Variants in PRKN observed in about 807,000 individuals in gnomAD.
PRKN encodes the protein parkin RBR E3 ubiquitin protein ligase.
PRKN carries 56 observed loss-of-function variants against 59.5 expected under a neutral mutation model. That is an observed-to-expected ratio of 0.94 (90% CI 0.76 to 1.18). The LOEUF (loss-of-function observed/expected upper bound fraction) is 1.18. Ranked by LOEUF, PRKN falls within the 50% of genes most tolerant of loss-of-function variation. PRKN has a pLI of 0.00. For synonymous variants in PRKN, 250 were observed against 222.1 expected (o/e 1.13, Z -1.12); for missense variants, 657 against 596.4 (o/e 1.10, Z -1.06).
intron 4 of PRKN, among the ~76,000 whole-genome samples, chr6:162,093,054 T>C (rs1019057687): frequency 2.0e-5 from 3 of 152,210 alleles, no homozygotes; most frequent in African/African-American, 7.2e-5. Flanking sequence ...AGGCTTGCGT[T>C]CTAGCTAATT....
chr6:162,656,827 C>G (rs1583993431), intron 1 of PRKN, among the ~76,000 whole-genome samples: 1 of 152,140 alleles, frequency 6.6e-6, no homozygotes, highest in East Asian at 1.9e-4. Flanking sequence ...AGACATACTC[C>G]TTCCCTCTCC....
intron 7 of PRKN, among the ~76,000 whole-genome samples, chr6:161,778,538 C>T (rs1174211458): frequency 2.0e-5 from 3 of 152,176 alleles, no homozygotes; most frequent in African/African-American, 4.8e-5. Context: ...GGGCTCAAAA[C>T]AATTCGCACA....
chr6:162,195,650 C>A (rs781719249), intron 4 of PRKN, among the ~76,000 whole-genome samples: 9 of 152,048 alleles, frequency 5.9e-5, no homozygotes, highest in Non-Finnish European at 1.2e-4. Flanking sequence ...ATTAGAGTGG[C>A]AAAGATAAAG....
intron 4 of PRKN, among the ~76,000 whole-genome samples, chr6:162,117,367 T>G (rs1780718382): frequency 6.6e-6 from 1 of 152,260 alleles, no homozygotes; most frequent in Non-Finnish European, 1.5e-5. Flanking sequence ...CCGAAGGGCC[T>G]AAGCCTAGGG....
At chr6:162,672,843 A>G (rs945441226) in intron 1 of PRKN, among the ~76,000 whole-genome samples, 2 of 152,130 alleles carry the variant, frequency 1.3e-5, no homozygotes, top group African/African-American at 4.8e-5. Flanking sequence ...GCAGAGATAT[A>G]AATATTTTAC....
At chr6:162,701,623 A>G (rs1778154511) in intron 1 of PRKN, among the ~76,000 whole-genome samples, 1 of 152,080 alleles carries the variant, frequency 6.6e-6, no homozygotes, top group Non-Finnish European at 1.5e-5. Flanking sequence ...GGCTTGAGAC[A>G]ATGTAGTAAG....
intron 1 of PRKN, among the ~76,000 whole-genome samples, chr6:162,494,782 TCA>T (rs2128186009): frequency 6.6e-6 from 1 of 152,316 alleles, no homozygotes; most frequent in South Asian, 2.1e-4. Context: ...AAAATCTCTC[TCA>T]TTTTTTCATA....
intron 2 of PRKN, among the ~76,000 whole-genome samples, chr6:162,432,882 A>G (rs1789604357): frequency 6.6e-6 from 1 of 152,162 alleles, no homozygotes; most frequent in Non-Finnish European, 1.5e-5. Flanking sequence ...TGCTCCCCCA[A>G]ATAAAATTTC....
intron 3 of PRKN, among the ~76,000 whole-genome samples, chr6:162,252,249 G>A (rs1031154080): frequency 6.6e-6 from 1 of 152,178 alleles, no homozygotes; most frequent in Non-Finnish European, 1.5e-5. Context: ...AGCACTAAAC[G>A]ATACATCACT....
chr6:162,426,318 G>A (rs1789236540), intron 2 of PRKN, among the ~76,000 whole-genome samples: 2 of 152,204 alleles, frequency 1.3e-5, no homozygotes, highest in Non-Finnish European at 2.9e-5. Flanking sequence ...GTGTCCTTAT[G>A]AGGCATGACT....
chr6:162,411,147 C>G (rs533894233), intron 2 of PRKN, among the ~76,000 whole-genome samples: 2 of 152,070 alleles, frequency 1.3e-5, no homozygotes, highest in Non-Finnish European at 2.9e-5. Context: ...AAAAAGGTTA[C>G]GTTGCAGGGA....
At position 161,566,295 on chromosome 6, in the gene PRKN, C is replaced by T. The variant is rs1320898815; in HGVS notation, c.933+3060G>A. Among the ~76,000 whole-genome samples, 2 of 152,212 alleles carry T rather than the reference C, an allele frequency of 1.3e-5. No individual in the cohort carries two copies. The highest frequency in any genetic ancestry group is 2.9e-5 in the Non-Finnish European group (2 of 68,032). ...GTGGAGTCCAGTGCTCATTTCTCAT[C>T]CTTGTCCTTCTTGCTGAGCATAGGA... is the stretch of plus-strand genomic sequence containing the variant. On this transcript the variant is annotated intron_variant, in intron 8 of 11. Coordinates refer to ENST00000366898, the MANE Select transcript of PRKN (RefSeq NM_004562.3). This position sits in a 1 kb window ranked among gnomAD's most constrained non-coding sequence, Gnocchi z 4.1.
intron 1 of PRKN, among the ~76,000 whole-genome samples, chr6:162,481,345 T>G (rs1194194858): frequency 2.5e-4 from 38 of 152,214 alleles, no homozygotes; most frequent in Non-Finnish European, 1.2e-4. Context: ...CTTCAAAATC[T>G]GTAAATACTA....
intron 1 of PRKN, among the ~76,000 whole-genome samples, chr6:162,696,232 T>C (rs1049948910): frequency 2.0e-5 from 3 of 152,084 alleles, no homozygotes; most frequent in Non-Finnish European, 4.4e-5. Context: ...AAAATATAAT[T>C]AGAATGCTAT....
At chr6:162,221,296 T>G (rs1777923514) in intron 3 of PRKN, among the ~76,000 whole-genome samples, 1 of 152,194 alleles carries the variant, frequency 6.6e-6, no homozygotes, top group South Asian at 2.1e-4. Flanking sequence ...TGCAGCAAAA[T>G]GAAATAGACC....
At chr6:161,603,019 C>T (rs1044066210) in intron 7 of PRKN, among the ~76,000 whole-genome samples, 2 of 152,170 alleles carry the variant, frequency 1.3e-5, no homozygotes, top group Non-Finnish European at 1.5e-5. Context: ...TTGACCTGAA[C>T]AAGAAATATT....
chr6:162,119,046 T>C (rs9458465), intron 4 of PRKN, among the ~76,000 whole-genome samples: 21,854 of 152,130 alleles, frequency 0.14, 1,848 homozygotes, highest in African/African-American at 0.23. Context: ...ACTAATCAGA[T>C]AGATATTATA....
At chr6:161,949,166 G>A (rs1042688611) in intron 6 of PRKN, among the ~76,000 whole-genome samples, 33 of 152,186 alleles carry the variant, frequency 2.2e-4, no homozygotes, top group African/African-American at 7.7e-4. Context: ...CCTGCCCAGA[G>A]CCACCAGAAG....
chr6:162,328,233 C>A (rs1783397456), intron 2 of PRKN, among the ~76,000 whole-genome samples: 1 of 145,772 alleles, frequency 6.9e-6, no homozygotes, highest in African/African-American at 2.5e-5. Flanking sequence ...GTGGTGCACA[C>A]CTGTAGTCCT....
Sources: gnomAD v4.1 joint callset for allele counts (sites outside exome capture counted in the v4.1 genomes callset) on GRCh38, gnomAD v4.1.1 for gene constraint, Gnocchi (gnomAD v3.1) non-coding constraint, MANE v1.5 for transcripts, NCBI Gene and HGNC (gene_info 2026-07-23, HGNC 2026-07-21) for gene names.